The following OR4D1 variants were observed in gnomAD, a reference collection of about 807,000 sequenced individuals.
OR4D1 encodes olfactory receptor family 4 subfamily D member 1, also known as olfactory receptor 4D1.
Under a neutral mutation model 14.2 loss-of-function variants are expected in OR4D1, and 10 were observed. That is an observed-to-expected ratio of 0.71 (90% confidence interval 0.44 to 1.20). OR4D1 has a LOEUF of 1.20. Among genes scored for constraint, OR4D1 ranks in the 50% most tolerant of loss-of-function variants. The probability of loss-of-function intolerance (pLI) is 0.00; values close to 1 mark genes in which losing one functional copy is unlikely to be tolerated. For synonymous variants in OR4D1, 141 were observed against 147.4 expected (o/e 0.96, Z 0.32); for missense variants, 345 against 376.6 (o/e 0.92, Z 0.70).
In OR4D1 at chr17:58,158,453, C is replaced by CG. The variant is rs1038237835; in HGVS notation, c.*2367_*2368insG. On this transcript the variant is annotated 3_prime_UTR_variant, in exon 4 of 4. Transcript: ENST00000268912. The stretch of plus-strand genomic sequence containing the variant: ...TTCCTATCTCTCCCCACGCCCACCC[C>CG]CCCCCCACACACACATTTTTACAGT... 5 of 141,252 alleles carry CG rather than the reference C, an allele frequency of 3.5e-5. 1 individual carries two copies. The Admixed American group carries it at 3.6e-4, about 10-fold the overall frequency. The allele number at this position is 141,252 out of a possible 1,614,324, so 8.7% of individuals were successfully genotyped here. A position where few individuals can be genotyped will look rare whatever the true frequency, so the allele number is the denominator to read the frequency against.
rs1200863018 is a variant in OR4D1 at position 58,158,161 on chromosome 17, T to G, written c.*2075T>G. 1 of 152,492 alleles carries G rather than the reference T, an allele frequency of 6.6e-6. No homozygotes were observed. The highest frequency in any genetic ancestry group is 2.4e-5 in the African/African-American group (1 of 41,448). 9.4% of individuals were successfully genotyped at this position (152,492 alleles called of 1,614,324 possible). On this transcript the variant is annotated 3_prime_UTR_variant, in exon 4 of 4. Transcript: ENST00000268912. ...AAATTTATATACATATGTGCTTTTT[T>G]CCTATATGTCACCTTCTTAAAGAGA...
chr17:58,156,252 TTC>T lies in OR4D1; in HGVS notation c.*168_*169del. The T allele has an allele frequency of 1.7e-6, 1 of 597,914 alleles. No individual in the cohort carries two copies. Among genetic ancestry groups the T allele is most frequent in the Non-Finnish European group, 2.9e-6 (1 of 348,000 alleles). 37.0% of individuals were successfully genotyped at this position (597,914 alleles called of 1,614,324 possible). On this transcript the variant is annotated 3_prime_UTR_variant, in exon 4 of 4. Transcript: ENST00000268912. ...TGTGTTAAGCACTTCCACGCTTTTT[TTC>T]TTTTTTTTTTTTTTTAGATGGAGCC...
In OR4D1 at chr17:58,149,663, G is replaced by A. The variant is rs1467300219; in HGVS notation, c.-260G>A. On this transcript the variant is annotated 5_prime_UTR_variant, in exon 2 of 4. Coordinates refer to ENST00000268912, the MANE Select transcript of OR4D1 (RefSeq NM_001386095.1). Reference sequence around the variant, plus strand: ...TAATTACTCTTGAACCTTGAAGGAAGGGTAGAATTCAGACAGGTGAACAGG... The same window carrying A: ...TAATTACTCTTGAACCTTGAAGGAAAGGTAGAATTCAGACAGGTGAACAGG... 6.6e-6 allele frequency: 1 copy of A among 152,264 alleles called. No homozygotes were observed. Among genetic ancestry groups the A allele is most frequent in the Non-Finnish European group, 1.5e-5 (1 of 68,070 alleles). The allele number at this position is 152,264 out of a possible 1,614,324, so 9.4% of individuals were successfully genotyped here.
In OR4D1 at chr17:58,155,939, C is replaced by T; in HGVS notation, c.786C>T (p.Phe262=). Residue 262 remains phenylalanine (F), a synonymous_variant, in exon 4 of 4, where the codon TTC becomes TTT. Transcript: ENST00000268912. Reference sequence around the variant, plus strand: ...GTATCTATATCTATACCTGGCCCTTCACCCCATTCCTCATGGACAAGGCTG... The same window carrying T: ...GTATCTATATCTATACCTGGCCCTTTACCCCATTCCTCATGGACAAGGCTG... ...IPCIYIYTWP[F]TPFLMDKAVS... 6.2e-7 allele frequency: 1 copy of T among 1,614,128 alleles called. No individual in the cohort carries two copies. Among genetic ancestry groups the T allele is most frequent in the Non-Finnish European group, 8.5e-7 (1 of 1,180,004 alleles).
chr17:58,157,055 G>T lies in OR4D1; in HGVS notation c.*969G>T. 1.6e-6 allele frequency: 2 copies of T among 1,254,604 alleles called. No homozygotes were observed. The highest frequency in any genetic ancestry group is 5.1e-5 in the East Asian group (2 of 39,176). 77.7% of individuals were successfully genotyped at this position (1,254,604 alleles called of 1,614,324 possible). On this transcript the variant is annotated 3_prime_UTR_variant, in exon 4 of 4. Transcript: ENST00000268912. ...TTTCGTCCAATGAGAAGGGGCCAGC[G>T]GTGGCGGTCGGGCCAGGTCCGGGGC... is the stretch of plus-strand genomic sequence containing the variant.
At position 58,158,887 on chromosome 17, in the gene OR4D1, A is replaced by G. The variant is rs1224286953; in HGVS notation, c.*2801A>G. 2 of 152,388 alleles carry G rather than the reference A, an allele frequency of 1.3e-5. No homozygotes were observed. Among genetic ancestry groups the G allele is most frequent in the Non-Finnish European group, 2.9e-5 (2 of 68,038 alleles). 9.4% of individuals were successfully genotyped at this position (152,388 alleles called of 1,614,324 possible). On this transcript the variant is annotated 3_prime_UTR_variant, in exon 4 of 4. Coordinates refer to ENST00000268912, the MANE Select transcript of OR4D1 (RefSeq NM_001386095.1). ...ATTAGAAAATTTTATATACTTTTTA[A>G]CATGTCCAGGGCAGAAGATAAAGCC...
chr17:58,152,708 G>T (rs913133953), intron 2 of OR4D1, among the ~76,000 whole-genome samples: 1 of 152,190 alleles, frequency 6.6e-6, no homozygotes, highest in African/African-American at 2.4e-5. Flanking sequence ...GCAGAAGCAG[G>T]TGGATTGCTT....
At position 58,155,604 on chromosome 17, in the gene OR4D1, G is replaced by A. The variant is rs373613116; in HGVS notation, c.451G>A (p.Gly151Arg). The A allele has an allele frequency of 2.5e-6, 4 of 1,613,982 alleles. No homozygotes were observed. The highest frequency in any genetic ancestry group is 8.5e-7 in the Non-Finnish European group (1 of 1,180,020). The part of the protein sequence containing the change: ...CVGLVVAAWV[G>R]GFVHSIVQLA... ...GGGCCTGGTAGTAGCCGCCTGGGTG[G>A]GGGGCTTTGTCCACTCCATTGTCCA... Residue 151 changes from glycine (G) to arginine (R), a missense_variant, in exon 4 of 4, where the codon GGG (glycine) becomes AGG (arginine). Coordinates refer to ENST00000268912, the MANE Select transcript of OR4D1 (RefSeq NM_001386095.1).
Position 58,155,183 on chromosome 17 carries a change from A to C in OR4D1, c.30A>C (p.Ser10=), listed in dbSNP as rs538886883. The C allele has an allele frequency of 9.7e-5, 157 of 1,614,054 alleles. 5 individuals carry two copies. In the South Asian group the frequency reaches 1.7e-3, roughly 17 times the overall value. MEPQNTTQV[S]MFVLLGFSQT... ...AACCACAGAACACCACACAGGTATC[A>C]ATGTTTGTCCTCTTAGGGTTTTCAC... Residue 10 remains serine, a synonymous_variant, in exon 4 of 4, where the codon TCA becomes TCC. Coordinates refer to ENST00000268912, the MANE Select transcript of OR4D1 (RefSeq NM_001386095.1).
chr17:58,155,580 G>C lies in OR4D1; in HGVS notation c.427G>C (p.Gly143Arg). Residue 143 changes from glycine to arginine, a missense_variant, in exon 4 of 4, where the codon GGC becomes CGC. Coordinates refer to ENST00000268912, the MANE Select transcript of OR4D1 (RefSeq NM_001386095.1). ...VTIMNTQLCV[G>R]LVVAAWVGGF... Reference sequence around the variant, plus strand: ...CATCATGAACACTCAATTGTGTGTGGGCCTGGTAGTAGCCGCCTGGGTGGG... The same window carrying C: ...CATCATGAACACTCAATTGTGTGTGCGCCTGGTAGTAGCCGCCTGGGTGGG... The C allele has an allele frequency of 6.2e-7, 1 of 1,614,068 alleles. No individual in the cohort carries two copies. Among genetic ancestry groups the C allele is most frequent in the Non-Finnish European group, 8.5e-7 (1 of 1,180,004 alleles).
chr17:58,156,541 G>T lies in OR4D1; in HGVS notation c.*455G>T, dbSNP rs1044551599. 1.2e-5 allele frequency: 2 copies of T among 169,030 alleles called. No individual in the cohort carries two copies. The highest frequency in any genetic ancestry group is 4.8e-5 in the African/African-American group (2 of 41,640). The allele number at this position is 169,030 out of a possible 1,614,324, so 10.5% of individuals were successfully genotyped here. A position where few individuals can be genotyped will look rare whatever the true frequency, so the allele number is the denominator to read the frequency against. On this transcript the variant is annotated 3_prime_UTR_variant, in exon 4 of 4. Coordinates refer to ENST00000268912, the MANE Select transcript of OR4D1 (RefSeq NM_001386095.1). ...TGGGATTACAGGCGTGAGCCACAGC[G>T]CCCGGCCTAACACTTCCACAGTTTT...
At position 58,157,326 on chromosome 17, in the gene OR4D1, C is replaced by A; in HGVS notation, c.*1240C>A. On this transcript the variant is annotated 3_prime_UTR_variant, in exon 4 of 4. Coordinates refer to ENST00000268912, the MANE Select transcript of OR4D1 (RefSeq NM_001386095.1). ...CGCCTCGGTCAAGTGGGAAAACTCC[C>A]TAAGACGGAGCGGCGTGGATGCAGG... The A allele has an allele frequency of 6.7e-7, 1 of 1,493,278 alleles. No homozygotes were observed. Among genetic ancestry groups the A allele is most frequent in the Non-Finnish European group, 9.0e-7 (1 of 1,106,590 alleles). 92.5% of individuals were successfully genotyped at this position (1,493,278 alleles called of 1,614,324 possible).
Position 58,156,979 on chromosome 17 carries a change from G to A in OR4D1, c.*893G>A. On this transcript the variant is annotated 3_prime_UTR_variant, in exon 4 of 4. Transcript: ENST00000268912. ...TTTGAGTCGCCGCTGCGGGTTGCTA[G>A]CGGAGTCGCGCGTCGGGAGCTACGT... The A allele has an allele frequency of 1.4e-6, 1 of 729,468 alleles. No individual in the cohort carries two copies. The highest frequency in any genetic ancestry group is 2.4e-6 in the Non-Finnish European group (1 of 418,970). 45.2% of individuals were successfully genotyped at this position (729,468 alleles called of 1,614,324 possible).
Position 58,156,306 on chromosome 17 carries a change from A to G in OR4D1, c.*220A>G. On this transcript the variant is annotated 3_prime_UTR_variant, in exon 4 of 4. Transcript: ENST00000268912. The stretch of plus-strand genomic sequence containing the variant: ...TGCTCTGTCACCCAGGCTGGAGTGC[A>G]GTGGTGCAGTCTAGGCTCACTGCAA... 2 of 491,592 alleles carry G rather than the reference A, an allele frequency of 4.1e-6. No individual in the cohort carries two copies. The highest frequency in any genetic ancestry group is 7.2e-6 in the Non-Finnish European group (2 of 278,228). The allele number at this position is 491,592 out of a possible 1,614,324, so 30.5% of individuals were successfully genotyped here. A position where few individuals can be genotyped will look rare whatever the true frequency, so the allele number is the denominator to read the frequency against.
chr17:58,155,902 T>A lies in OR4D1; in HGVS notation c.749T>A (p.Ile250Asn). The A allele has an allele frequency of 1.9e-6, 3 of 1,614,160 alleles. No homozygotes were observed. Residue 250 changes from isoleucine to asparagine, a missense_variant, in exon 4 of 4, where the codon ATC (isoleucine) becomes AAC (asparagine). Transcript: ENST00000268912. ...ACCCACATCATCGTGGTGTCCATGA[T>A]CTTCATTCCCTGTATCTATATCTAT... ...CTTHIIVVSM[I>N]FIPCIYIYTW...
In OR4D1 at chr17:58,155,918, C is replaced by G. The variant is rs1967765295; in HGVS notation, c.765C>G (p.Ile255Met). ...IVVSMIFIPC[I>M]YIYTWPFTPF... ...TGTCCATGATCTTCATTCCCTGTAT[C>G]TATATCTATACCTGGCCCTTCACCC... The change falls in exon 4 of 4, where the codon ATC (isoleucine) becomes ATG (methionine). Residue 255 changes from isoleucine to methionine, a missense_variant. Ile to Met is a conservative substitution (Grantham distance 10). Transcript: ENST00000268912. 4 of 1,613,936 alleles carry G rather than the reference C, an allele frequency of 2.5e-6. No individual in the cohort carries two copies. Among genetic ancestry groups the G allele is most frequent in the Non-Finnish European group, 3.4e-6 (4 of 1,180,030 alleles).
chr17:58,155,325 C>G lies in OR4D1; in HGVS notation c.172C>G (p.Pro58Ala). 1 of 1,614,172 alleles carries G rather than the reference C, an allele frequency of 6.2e-7. No individual in the cohort carries two copies. Among genetic ancestry groups the G allele is most frequent in the Non-Finnish European group, 8.5e-7 (1 of 1,180,042 alleles). The change falls in exon 4 of 4, where the codon CCC becomes GCC. Residue 58 changes from proline (P) to alanine (A), a missense_variant. Transcript: ENST00000268912. ...GACTTTTGACTGCCGGCTCCACACA[C>G]CCATGTATTTTCTGCTCCGAAATCT... is the stretch of plus-strand genomic sequence containing the variant. ...TVTFDCRLHT[P>A]MYFLLRNLAL...
rs1466675258 is a variant in OR4D1 at position 58,158,431 on chromosome 17, C to T, written c.*2345C>T. 1.4e-5 allele frequency: 2 copies of T among 146,806 alleles called. No homozygotes were observed. Among genetic ancestry groups the T allele is most frequent in the African/African-American group, 5.0e-5 (2 of 40,156 alleles). The allele number at this position is 146,806 out of a possible 1,614,324, so 9.1% of individuals were successfully genotyped here. A position where few individuals can be genotyped will look rare whatever the true frequency, so the allele number is the denominator to read the frequency against. On this transcript the variant is annotated 3_prime_UTR_variant, in exon 4 of 4. Coordinates refer to ENST00000268912, the MANE Select transcript of OR4D1 (RefSeq NM_001386095.1). ...TTTTTATATACTACCATATTTGTTC[C>T]TATCTCTCCCCACGCCCACCCCCCC...
rs141202898 is a variant in OR4D1 at position 58,158,449 on chromosome 17, A to ACCCCCCCC, written c.*2366_*2373dup. On this transcript the variant is annotated 3_prime_UTR_variant, in exon 4 of 4. Transcript: ENST00000268912. ...TTTGTTCCTATCTCTCCCCACGCCC[A>ACCCCCCCC]CCCCCCCCCCACACACACATTTTTA... 42 of 114,548 alleles carry ACCCCCCCC rather than the reference A, an allele frequency of 3.7e-4. No individual in the cohort carries two copies. The highest frequency in any genetic ancestry group is 5.2e-4 in the Non-Finnish European group (29 of 55,860). The allele number at this position is 114,548 out of a possible 1,614,324, so 7.1% of individuals were successfully genotyped here. A position where few individuals can be genotyped will look rare whatever the true frequency, so the allele number is the denominator to read the frequency against.
Sources: gnomAD v4.1 joint callset for allele counts (sites outside exome capture counted in the v4.1 genomes callset) on GRCh38, gnomAD v4.1.1 for gene constraint, MANE v1.5 for transcripts, NCBI Gene and HGNC (gene_info 2026-07-23, HGNC 2026-07-21) for gene names.